The following MEIS2 variants were observed in gnomAD, a reference collection of about 807,000 sequenced individuals.
MEIS2 encodes Meis homeobox 2.
Under a neutral mutation model 58.6 loss-of-function variants are expected in MEIS2, and 9 were observed. That is an observed-to-expected ratio of 0.15 (90% CI 0.09 to 0.27). The LOEUF (loss-of-function observed/expected upper bound fraction) is 0.27, where lower values mean the gene tolerates loss of function less well. MEIS2 is among the 10% of genes least tolerant of loss of function. The pLI is 1.00. For synonymous variants in MEIS2, 221 were observed against 228.4 expected (o/e 0.97, Z 0.29); for missense variants, 427 against 635.0 (o/e 0.67, Z 3.52).
chr15:36,928,322 C>G (rs1465196674), intron 9 of MEIS2, among the ~76,000 whole-genome samples: 2 of 152,068 alleles, frequency 1.3e-5, no homozygotes, highest in Non-Finnish European at 2.9e-5. Flanking sequence ...ACAATTAAAA[C>G]AACAACAGTA....
chr15:37,093,195 C>G (rs989758735), intron 6 of MEIS2, among the ~76,000 whole-genome samples: 3 of 152,218 alleles, frequency 2.0e-5, no homozygotes, highest in Non-Finnish European at 2.9e-5. Flanking sequence ...TCTCTCCAGA[C>G]CAGTCCAGCT....
chr15:36,895,141 G>A lies in MEIS2; in HGVS notation c.1147+10C>T. 6.2e-7 allele frequency: 1 copy of A among 1,611,200 alleles called. No individual in the cohort carries two copies. Among genetic ancestry groups the A allele is most frequent in the Non-Finnish European group, 8.5e-7 (1 of 1,178,506 alleles). ...CCAGGGAAGCCCAGAGGCGGGATGA[G>A]CCAACCTACCTGCAGGCCGGATCCC... is the stretch of plus-strand genomic sequence containing the variant. On this transcript the variant is annotated intron_variant, in intron 11 of 11. Transcript: ENST00000561208.
chr15:37,094,688 A>C, intron 4 of MEIS2, 111 bp from the exon 5 acceptor site: 1 of 787,460 alleles, frequency 1.3e-6, no homozygotes, highest in Non-Finnish European at 2.1e-6. Context: ...GGGGAGAAGA[A>C]ACGGGCAGGT....
intron 9 of MEIS2, among the ~76,000 whole-genome samples, chr15:36,915,317 A>C (rs1039167560): frequency 4.6e-4 from 70 of 152,208 alleles, no homozygotes; most frequent in African/African-American, 1.6e-3. Context: ...TTTCAGTTTC[A>C]GTCTCCAAGG....
intron 8 of MEIS2, among the ~76,000 whole-genome samples, chr15:36,969,896 C>T (rs1007352647): frequency 2.0e-5 from 3 of 151,220 alleles, no homozygotes; most frequent in Admixed American, 1.3e-4. Context: ...GTCTTTTTGG[C>T]TTTTTTTTTC....
intron 8 of MEIS2, among the ~76,000 whole-genome samples, chr15:37,009,085 A>G (rs537187907): frequency 1.3e-5 from 2 of 152,170 alleles, no homozygotes; most frequent in Non-Finnish European, 2.9e-5. Context: ...GTCAGGAGAT[A>G]GAGACCATCC....
chr15:37,010,830 C>T (rs111384715), intron 8 of MEIS2, among the ~76,000 whole-genome samples: 13 of 152,336 alleles, frequency 8.5e-5, no homozygotes, highest in African/African-American at 3.1e-4. Flanking sequence ...CTCACATTCA[C>T]ATCTCTACTT....
At chr15:37,070,280 AT>A (rs1890525281) in intron 7 of MEIS2, among the ~76,000 whole-genome samples, 1 of 152,188 alleles carries the variant, frequency 6.6e-6, no homozygotes, top group African/African-American at 2.4e-5. Flanking sequence ...ACAATTGAAA[AT>A]TGATCCTGAG....
chr15:37,058,089 G>A (rs866439823), intron 7 of MEIS2, among the ~76,000 whole-genome samples: 1 of 152,006 alleles, frequency 6.6e-6, no homozygotes, highest in African/African-American at 2.4e-5. Flanking sequence ...TTGTTCCTAC[G>A]AAGATCATCG....
intron 8 of MEIS2, among the ~76,000 whole-genome samples, chr15:36,989,319 C>G (rs980337804): frequency 1.3e-5 from 2 of 152,218 alleles, no homozygotes; most frequent in Non-Finnish European, 2.9e-5. Flanking sequence ...TGCACTGCCA[C>G]TGCCCAGCTG....
chr15:36,993,729 A>C (rs188228229), intron 8 of MEIS2, among the ~76,000 whole-genome samples: 64 of 152,328 alleles, frequency 4.2e-4, no homozygotes, highest in African/African-American at 1.5e-3. Context: ...ATTATAACTG[A>C]ATCTACAAAT....
intron 7 of MEIS2, among the ~76,000 whole-genome samples, 178 bp from the exon 8 acceptor site, chr15:37,037,137 C>T (rs2062189565): frequency 6.6e-6 from 1 of 152,182 alleles, no homozygotes; most frequent in African/African-American, 2.4e-5. Context: ...AACCAGGCCT[C>T]TTCAAATGTT....
chr15:36,896,974 C>CA, intron 9 of MEIS2: 1 of 314,788 alleles, frequency 3.2e-6, no homozygotes, highest in East Asian at 5.8e-5. Context: ...GCTTCTTGCA[C>CA]AAGTAGGAAT....
intron 6 of MEIS2, among the ~76,000 whole-genome samples, chr15:37,086,781 TGA>T (rs1892945949): frequency 6.6e-6 from 1 of 152,204 alleles, no homozygotes; most frequent in African/African-American, 2.4e-5. Flanking sequence ...TTGTTTGTAT[TGA>T]GCTACACAAG....
intron 1 of MEIS2, chr15:37,099,048 C>A (rs1479064187): frequency 1.1e-5 from 11 of 983,652 alleles, no homozygotes; most frequent in East Asian, 1.1e-4. Context: ...CTACGCAGCC[C>A]GTGCCCGCCC....
intron 8 of MEIS2, among the ~76,000 whole-genome samples, chr15:37,010,377 A>G (rs961945175): frequency 8.6e-4 from 127 of 147,886 alleles, no homozygotes; most frequent in Non-Finnish European, 1.3e-4. Context: ...ATGAGCCACC[A>G]CGCCCGGCCT....
At chr15:37,080,736 C>T (rs1472106540) in intron 7 of MEIS2, among the ~76,000 whole-genome samples, 1 of 152,144 alleles carries the variant, frequency 6.6e-6, no homozygotes, top group African/African-American at 2.4e-5. Flanking sequence ...ACTAACAAGA[C>T]AAACTCCCTT....
intron 9 of MEIS2, among the ~76,000 whole-genome samples, chr15:36,911,732 A>G (rs537307335): frequency 1.6e-4 from 25 of 152,312 alleles, no homozygotes; most frequent in African/African-American, 5.8e-4. Context: ...GGCTAACAGC[A>G]GTGATTCACT....
chr15:37,030,510 T>C (rs999056086), intron 8 of MEIS2, among the ~76,000 whole-genome samples: 1 of 152,054 alleles, frequency 6.6e-6, no homozygotes, highest in African/African-American at 2.4e-5. Context: ...CTAATTTTTG[T>C]ATTTTTAGTA....
Sources: gnomAD v4.1 joint callset for allele counts (sites outside exome capture counted in the v4.1 genomes callset) on GRCh38, gnomAD v4.1.1 for gene constraint, MANE v1.5 for transcripts, NCBI Gene and HGNC (gene_info 2026-07-23, HGNC 2026-07-21) for gene names.